RXRA: variants seen among roughly 807,000 people sequenced by gnomAD.
The protein encoded by RXRA is retinoic acid receptor RXR-alpha.
Under a neutral mutation model 44.5 loss-of-function variants are expected in RXRA, and 5 were observed. That is an observed-to-expected ratio of 0.11 (90% confidence interval 0.06 to 0.24). The LOEUF (loss-of-function observed/expected upper bound fraction) is 0.24, where lower values mean the gene tolerates loss of function less well. RXRA is among the 10% of genes least tolerant of loss of function. RXRA has a pLI of 1.00. For missense variants in RXRA, 412 were observed against 646.5 expected (o/e 0.64, Z 3.93); for synonymous variants, 291 against 271.4 (o/e 1.07, Z -0.71).
At chr9:134,421,606 G>A (rs940189974) in intron 5 of RXRA, 70 bp from the exon 6 acceptor site, 10 of 1,501,022 alleles carry the variant, frequency 6.7e-6, no homozygotes, top group Non-Finnish European at 8.9e-6. Flanking sequence ...GCAGGGCCTG[G>A]TCTGGGCTGT....
At chr9:134,428,568 G>C (rs532195870) in intron 6 of RXRA, among the ~76,000 whole-genome samples, 989 of 95,410 alleles carry the variant, frequency 0.01, 31 homozygotes, top group African/African-American at 0.016. Context: ...CTAACCACCC[G>C]CCCCAGGGAA....
chr9:134,347,760 T>A lies in RXRA; in HGVS notation c.28+21101T>A, dbSNP rs530576066. On this transcript the variant is annotated intron_variant, in intron 1 of 9. Coordinates refer to ENST00000481739, the MANE Select transcript of RXRA (RefSeq NM_002957.6). ...GCAAAGGCCCCAGAGTGGGGCTCAC[T>A]GGCAGGGGCTGGGGCGGTCAGTTCA... 4.6e-5 allele frequency among the ~76,000 whole-genome samples: 7 copies of A among 152,194 alleles called. No homozygotes were observed. The South Asian group carries it at 1.5e-3, about 32-fold the overall frequency.
At chr9:134,423,631 C>T in intron 6 of RXRA, 12 of 985,500 alleles carry the variant, frequency 1.2e-5, no homozygotes, top group South Asian at 9.4e-5. Flanking sequence ...TCCCGCTGGC[C>T]TCGTGTCTGG....
At chr9:134,363,659 C>T (rs1016941480) in intron 1 of RXRA, among the ~76,000 whole-genome samples, 1 of 152,188 alleles carries the variant, frequency 6.6e-6, no homozygotes, top group Non-Finnish European at 1.5e-5. Flanking sequence ...TGTGCGGCAC[C>T]GGGTGTGGCT....
intron 1 of RXRA, among the ~76,000 whole-genome samples, chr9:134,393,489 G>A (rs13296121): frequency 0.045 from 6,847 of 152,330 alleles, 205 homozygotes; most frequent in Non-Finnish European, 0.07. Flanking sequence ...TCCCTGGACA[G>A]TGGCCGCCAT....
At chr9:134,327,787 G>A (rs1384608225) in intron 1 of RXRA, among the ~76,000 whole-genome samples, 1 of 152,128 alleles carries the variant, frequency 6.6e-6, no homozygotes, top group East Asian at 1.9e-4. Context: ...GAGGGTGAGA[G>A]TCTGAGTACC....
At chr9:134,425,338 C>T (rs925605000) in intron 6 of RXRA, 3 of 985,188 alleles carry the variant, frequency 3.0e-6, no homozygotes, top group East Asian at 1.1e-4. Context: ...TCCATGGAAG[C>T]TCTGGGTCAC....
intron 1 of RXRA, among the ~76,000 whole-genome samples, chr9:134,362,520 T>G (rs1260645071): frequency 4.6e-5 from 7 of 152,238 alleles, no homozygotes; most frequent in African/African-American, 1.7e-4. Context: ...GAGCCGAGTC[T>G]GCCTCGTGGT....
intron 1 of RXRA, among the ~76,000 whole-genome samples, chr9:134,393,695 C>G (rs945143394): frequency 1.3e-5 from 2 of 152,152 alleles, no homozygotes; most frequent in Admixed American, 6.5e-5. Context: ...GCCCTCATGC[C>G]CCAGTTAGTG....
At chr9:134,414,234 G>A (rs775489690) in intron 4 of RXRA, among the ~76,000 whole-genome samples, 4 of 152,260 alleles carry the variant, frequency 2.6e-5, no homozygotes, top group Non-Finnish European at 5.9e-5. Flanking sequence ...GAGGAGGCAG[G>A]TGCCAAGGAG....
In RXRA at chr9:134,418,829, C is replaced by T. The variant is rs149639552; in HGVS notation, c.780+1502C>T. On this transcript the variant is annotated intron_variant, in intron 5 of 9. Coordinates refer to ENST00000481739, the MANE Select transcript of RXRA (RefSeq NM_002957.6). The stretch of plus-strand genomic sequence containing the variant: ...CTGTGCTGCTCCTCACCACCAGCTT[C>T]GGTCAAGGACAGCGACCCCACCCTG... Among the ~76,000 whole-genome samples the T allele has an allele frequency of 3.1e-3, 467 of 152,330 alleles. 1 individual carries two copies. The highest frequency in any genetic ancestry group is 0.01 in the African/African-American group (426 of 41,568).
At chr9:134,364,296 C>T (rs1164735153) in intron 1 of RXRA, among the ~76,000 whole-genome samples, 1 of 152,238 alleles carries the variant, frequency 6.6e-6, no homozygotes, top group East Asian at 1.9e-4. Flanking sequence ...CAAACGCCCA[C>T]TGCGTGGGCA....
rs894035851 is a variant in RXRA at position 134,440,345 on chromosome 9, T to A, written c.*3731T>A. The A allele has an allele frequency of 6.6e-6, 1 of 152,418 alleles. No homozygotes were observed. Among genetic ancestry groups the A allele is most frequent in the Non-Finnish European group, 1.5e-5 (1 of 68,026 alleles). The allele number at this position is 152,418 out of a possible 1,614,324, so 9.4% of individuals were successfully genotyped here. A position where few individuals can be genotyped will look rare whatever the true frequency, so the allele number is the denominator to read the frequency against. ...GTGGGCCTGAGGCTTTCAAGGGTTTTCTTCCCTTTCGAGTAATTTTTAAAG... is the reference window on the plus strand; with the variant it reads ...GTGGGCCTGAGGCTTTCAAGGGTTTACTTCCCTTTCGAGTAATTTTTAAAG... On this transcript the variant is annotated 3_prime_UTR_variant, in exon 10 of 10. Coordinates refer to ENST00000481739, the MANE Select transcript of RXRA (RefSeq NM_002957.6).
intron 8 of RXRA, 151 bp downstream of exon 8, chr9:134,432,147 G>A (rs759631472): frequency 9.5e-6 from 6 of 631,324 alleles, no homozygotes; most frequent in East Asian, 5.6e-5. Context: ...CCCAGTGAAA[G>A]TGTGGCCATG....
chr9:134,414,629 G>A (rs753951637), intron 4 of RXRA, among the ~76,000 whole-genome samples: 33 of 152,376 alleles, frequency 2.2e-4, no homozygotes, highest in African/African-American at 5.0e-4. Flanking sequence ...TGTCTTGAGC[G>A]CTCAGCCCTG....
intron 1 of RXRA, among the ~76,000 whole-genome samples, chr9:134,391,777 G>A (rs1031103890): frequency 4.6e-5 from 7 of 152,320 alleles, no homozygotes; most frequent in Non-Finnish European, 1.0e-4. Context: ...GTCGAGGGGT[G>A]GCCAAGGGGT....
intron 1 of RXRA, among the ~76,000 whole-genome samples, chr9:134,385,366 C>T (rs181374136): frequency 4.0e-4 from 61 of 152,334 alleles, no homozygotes; most frequent in African/African-American, 5.1e-4. Context: ...CCCCTTCCCC[C>T]GCGTGCTTCC....
intron 8 of RXRA, 96 bp from the exon 9 acceptor site, chr9:134,434,006 G>A (rs1831574383): frequency 2.4e-6 from 2 of 843,902 alleles, no homozygotes; most frequent in Non-Finnish European, 3.8e-6. Flanking sequence ...CCATGGTGGG[G>A]CAGCCTGGGA....
chr9:134,367,620 C>T (rs920322117), intron 1 of RXRA, among the ~76,000 whole-genome samples: 4 of 152,226 alleles, frequency 2.6e-5, no homozygotes, highest in African/African-American at 4.8e-5. Context: ...TGACCCTCGC[C>T]GGCTGGGGAG....
Sources: gnomAD v4.1 joint callset for allele counts (sites outside exome capture counted in the v4.1 genomes callset) on GRCh38, gnomAD v4.1.1 for gene constraint, MANE v1.5 for transcripts, NCBI Gene and HGNC (gene_info 2026-07-23, HGNC 2026-07-21) for gene names.